VPS13C: variants seen among roughly 807,000 people sequenced by gnomAD.
VPS13C encodes the protein intermembrane lipid transfer protein VPS13C.
Under a neutral mutation model 456.8 loss-of-function variants are expected in VPS13C, and 358 were observed. The observed-to-expected ratio is 0.78, with a 90% confidence interval of 0.72 to 0.86. The LOEUF (loss-of-function observed/expected upper bound fraction) is 0.86, where lower values mean the gene tolerates loss of function less well. VPS13C is among the 40% of genes least tolerant of loss of function. The pLI is 0.00. For synonymous variants in VPS13C, 1,578 were observed against 1,486.7 expected, an observed-to-expected ratio of 1.06 and a Z score of -1.41; for missense variants, 4,818 against 4,385.4, an observed-to-expected ratio of 1.10 and a Z score of -2.79.
chr15:61,945,931 C>A (rs770338014), intron 44 of VPS13C, 49 bp from the exon 45 acceptor site: 2 of 1,428,080 alleles, frequency 1.4e-6, no homozygotes, highest in Non-Finnish European at 1.9e-6. Flanking sequence ...GCTGTATAGC[C>A]CTTATCAATG....
intron 15 of VPS13C, among the ~76,000 whole-genome samples, chr15:62,003,774 T>C (rs8031359): frequency 0.12 from 17,726 of 151,370 alleles, 1,794 homozygotes; most frequent in African/African-American, 0.31. Context: ...TCTATTGAGA[T>C]AATCATGTGG....
Position 61,911,940 on chromosome 15 carries a change from C to A in VPS13C, c.8615G>T (p.Cys2872Phe). 1 of 1,612,542 alleles carries A rather than the reference C, an allele frequency of 6.2e-7. No individual in the cohort carries two copies. Among genetic ancestry groups the A allele is most frequent in the Non-Finnish European group, 8.5e-7 (1 of 1,179,224 alleles). Residue 2872 changes from cysteine (C) to phenylalanine (F), a missense_variant, in exon 63 of 85, where the codon TGT (cysteine) becomes TTT (phenylalanine). This residue lies in a region of VPS13C where 4,552 missense variants were observed against 4,130.6 expected (regional missense o/e 1.10). Transcript: ENST00000644861. The part of the protein sequence containing the change: ...LSRIVTLTPF[C>F]TIANKSSLEL... ...TAATGATGACTTGTTTGCAATGGTA[C>A]AAAAGGGAGTCAGGGTAACTATTCG... is the stretch of plus-strand genomic sequence containing the variant.
In VPS13C at chr15:61,963,795, T is replaced by C. The variant is rs776412359; in HGVS notation, c.3331+40A>G. On this transcript the variant is annotated intron_variant, in intron 32 of 84. Transcript: ENST00000644861. ...CAAAGAGACAAAAAGAAGGAAAAGT[T>C]TATCTTTTCGCCAATTTTCAATGCC... 26 of 1,439,722 alleles carry C rather than the reference T, an allele frequency of 1.8e-5. No homozygotes were observed. In the East Asian group the frequency reaches 5.9e-4, roughly 33 times the overall value. The allele number at this position is 1,439,722 out of a possible 1,614,324, so 89.2% of individuals were successfully genotyped here.
At position 61,978,532 on chromosome 15, in the gene VPS13C, G is replaced by C. The variant is rs867884710; in HGVS notation, c.2290+94C>G. 309 of 1,409,776 alleles carry C rather than the reference G, an allele frequency of 2.2e-4. 1 individual carries two copies. In the Middle Eastern group the frequency reaches 0.01, roughly 46 times the overall value. 87.3% of individuals were successfully genotyped at this position (1,409,776 alleles called of 1,614,324 possible). ...AAAAGAATATGTGTGCAAAATGGTT[G>C]TCAGGGTTGATATATAGGCACACAT... On this transcript the variant is annotated intron_variant, in intron 23 of 84. Coordinates refer to ENST00000644861, the MANE Select transcript of VPS13C (RefSeq NM_020821.3).
chr15:61,920,751 C>T, intron 55 of VPS13C, 104 bp from the exon 56 acceptor site: 1 of 1,041,752 alleles, frequency 9.6e-7, no homozygotes, highest in Non-Finnish European at 1.3e-6. Context: ...TATAGTAATG[C>T]TTCGCAAAAG....
intron 51 of VPS13C, 157 bp from the exon 52 acceptor site, chr15:61,927,477 A>T: frequency 1.6e-6 from 1 of 608,140 alleles, no homozygotes; most frequent in South Asian, 2.1e-5. Context: ...TAATTATTAA[A>T]TGATTATTAA....
intron 2 of VPS13C, among the ~76,000 whole-genome samples, 169 bp downstream of exon 2, chr15:62,044,043 T>A (rs979688126): frequency 1.3e-5 from 2 of 152,060 alleles, no homozygotes; most frequent in Non-Finnish European, 2.9e-5. Flanking sequence ...GGGGAAAAAA[T>A]TTCTAAATCT....
chr15:62,021,477 T>C (rs1296444335), intron 8 of VPS13C, among the ~76,000 whole-genome samples: 2 of 151,920 alleles, frequency 1.3e-5, no homozygotes, highest in East Asian at 1.9e-4. Context: ...AATATCTAAG[T>C]TGCAATCCAC....
chr15:61,881,525 T>A, intron 71 of VPS13C, 38 bp downstream of exon 71: 2 of 1,532,182 alleles, frequency 1.3e-6, no homozygotes, highest in Non-Finnish European at 1.8e-6. Flanking sequence ...ATTCTCATTT[T>A]AAATTCTTTT....
intron 73 of VPS13C, chr15:61,879,469 T>A (rs1895699052): frequency 3.3e-5 from 5 of 152,174 alleles, no homozygotes; most frequent in African/African-American, 1.2e-4. Context: ...CTGGGAGTGC[T>A]GGGATCCAGG....
intron 41 of VPS13C, among the ~76,000 whole-genome samples, chr15:61,949,812 C>A (rs2044726455): frequency 6.6e-6 from 1 of 152,080 alleles, no homozygotes; most frequent in African/African-American, 2.4e-5. Flanking sequence ...CCATGTGCAA[C>A]CACAATTTTA....
At chr15:61,924,906 G>A (rs2043793988) in intron 53 of VPS13C, among the ~76,000 whole-genome samples, 1 of 152,144 alleles carries the variant, frequency 6.6e-6, no homozygotes. Flanking sequence ...GACTGGGCAC[G>A]AGGTATACTT....
At chr15:61,985,126 T>C in intron 18 of VPS13C, 127 bp from the exon 19 acceptor site, 3 of 660,986 alleles carry the variant, frequency 4.5e-6, no homozygotes, top group East Asian at 3.4e-5. Context: ...GGTTCTGGCA[T>C]CCACATGCTC....
At chr15:62,040,588 G>C (rs755915567) in intron 3 of VPS13C, among the ~76,000 whole-genome samples, 1 of 151,986 alleles carries the variant, frequency 6.6e-6, no homozygotes, top group African/African-American at 2.4e-5. Context: ...GAGGTTCAAA[G>C]ATTACCTATT....
At chr15:61,887,194 T>C (rs968502483) in intron 67 of VPS13C, among the ~76,000 whole-genome samples, 9 of 152,194 alleles carry the variant, frequency 5.9e-5, no homozygotes, top group African/African-American at 1.9e-4. Flanking sequence ...TATAACAAGA[T>C]TGCAAAAATA....
At chr15:61,887,205 T>C (rs923320717) in intron 67 of VPS13C, among the ~76,000 whole-genome samples, 1 of 152,132 alleles carries the variant, frequency 6.6e-6, no homozygotes, top group African/African-American at 2.4e-5. Flanking sequence ...TGCAAAAATA[T>C]AAGGTTAATA....
intron 1 of VPS13C, among the ~76,000 whole-genome samples, chr15:62,054,686 T>C (rs1198019869): frequency 6.6e-6 from 1 of 152,104 alleles, no homozygotes; most frequent in Non-Finnish European, 1.5e-5. Flanking sequence ...TATACCTATG[T>C]AACAAACCTG....
intron 13 of VPS13C, among the ~76,000 whole-genome samples, chr15:62,009,802 G>A (rs2046980299): frequency 6.6e-6 from 1 of 152,094 alleles, no homozygotes; most frequent in Middle Eastern, 3.2e-3. Context: ...AGAGGAAAAA[G>A]CTGCCAACAT....
rs1179171557 is a variant in VPS13C, at chr15:61,915,770, T to C, written c.8308A>G (p.Ser2770Gly). Residue 2770 changes from serine (S) to glycine (G), a missense_variant, in exon 61 of 85, where the codon AGT becomes GGT. By Grantham distance (56) the Ser-to-Gly change is moderately conservative. Transcript: ENST00000644861. Reference protein sequence around the residue: ...IGSRMVLSVFSPYWLINKTTR... With the variant: ...IGSRMVLSVFGPYWLINKTTR... ...GTCTTGTTGATTAACCAATAGGGAC[T>C]AAAGACAGACAGCACCATCCGGCTG... is the stretch of plus-strand genomic sequence containing the variant. 1 of 1,614,118 alleles carries C rather than the reference T, an allele frequency of 6.2e-7. No individual in the cohort carries two copies. The highest frequency in any genetic ancestry group is 8.5e-7 in the Non-Finnish European group (1 of 1,180,026).
Sources: allele counts gnomAD v4.1 joint callset (sites outside exome capture counted in the v4.1 genomes callset), GRCh38; gene constraint gnomAD v4.1.1; regional missense constraint gnomAD v4.1.1; transcripts MANE v1.5; gene names NCBI Gene and HGNC (gene_info 2026-07-23, HGNC 2026-07-21).